Variants in FOXN3 observed in about 807,000 individuals in gnomAD.
FOXN3 encodes the protein forkhead box N3.
Under a neutral mutation model 38.4 loss-of-function variants are expected in FOXN3, and 7 were observed. The ratio of observed to expected loss-of-function variants is 0.18; its 90% CI spans 0.10 to 0.34. FOXN3 has a LOEUF of 0.34. FOXN3 is among the 10% of genes least tolerant of loss of function. The pLI, the probability that FOXN3 is intolerant of heterozygous loss-of-function variation, is 1.00. For missense variants in FOXN3, 456 were observed against 613.4 expected (o/e 0.74, Z 2.71); for synonymous variants, 230 against 242.2 (o/e 0.95, Z 0.47).
chr14:89,526,578 AC>A (rs2139829151), intron 1 of FOXN3, among the ~76,000 whole-genome samples: 1 of 152,346 alleles, frequency 6.6e-6, no homozygotes, highest in Admixed American at 6.5e-5. Flanking sequence ...GCTAAAAAGT[AC>A]AAAACATTAC....
At chr14:89,254,472 G>A (rs981101976) in intron 4 of FOXN3, among the ~76,000 whole-genome samples, 3 of 152,152 alleles carry the variant, frequency 2.0e-5, no homozygotes, top group Admixed American at 1.3e-4. Context: ...CAGACAGCTC[G>A]GAGTGTGGCT....
At chr14:89,493,194 G>A (rs905735034) in intron 1 of FOXN3, among the ~76,000 whole-genome samples, 16 of 152,022 alleles carry the variant, frequency 1.1e-4, no homozygotes, top group African/African-American at 3.9e-4. Flanking sequence ...ACTGATACAC[G>A]AATAATAAAA....
At chr14:89,517,760 G>A (rs2139817046) in intron 1 of FOXN3, among the ~76,000 whole-genome samples, 1 of 152,286 alleles carries the variant, frequency 6.6e-6, no homozygotes, top group African/African-American at 2.4e-5. Flanking sequence ...CAATTGCAGA[G>A]GCCTTGGCTT....
chr14:89,389,674 C>T (rs1045423079), intron 2 of FOXN3, among the ~76,000 whole-genome samples: 2 of 152,190 alleles, frequency 1.3e-5, no homozygotes, highest in African/African-American at 2.4e-5. Context: ...TGGCAGGCCA[C>T]GGTGGGATGG....
chr14:89,173,369 T>C (rs1485879810), intron 5 of FOXN3, among the ~76,000 whole-genome samples: 3 of 152,198 alleles, frequency 2.0e-5, no homozygotes, highest in Non-Finnish European at 2.9e-5. Context: ...GGCAGTGTAA[T>C]TGGAAACAAG....
In FOXN3 at chr14:89,163,564, G is replaced by A. The variant is rs1162030657; in HGVS notation, c.852-595C>T. ...AGGGAGGGTTCTGGGGGAGGGACAC[G>A]GGGTTGGATCGGATATAGACACTGC... On this transcript the variant is annotated intron_variant, in intron 5 of 5. Coordinates refer to ENST00000557258, the MANE Select transcript of FOXN3 (RefSeq NM_005197.4). The surrounding 1 kb of genome is among the most constrained non-coding windows in gnomAD (Gnocchi z 4.3). Among the ~76,000 whole-genome samples the A allele has an allele frequency of 2.6e-5, 4 of 152,116 alleles. No individual in the cohort carries two copies. Among genetic ancestry groups the A allele is most frequent in the African/African-American group, 9.7e-5 (4 of 41,422 alleles).
chr14:89,376,334 T>A (rs1239562867), intron 2 of FOXN3, among the ~76,000 whole-genome samples: 1 of 152,214 alleles, frequency 6.6e-6, no homozygotes, highest in Non-Finnish European at 1.5e-5. Context: ...AACAACTGAC[T>A]AAATAAAAAC....
At chr14:89,166,244 T>G (rs1286716799) in intron 5 of FOXN3, among the ~76,000 whole-genome samples, 1 of 152,216 alleles carries the variant, frequency 6.6e-6, no homozygotes, top group Non-Finnish European at 1.5e-5. Flanking sequence ...GAATGTCTCT[T>G]TCTTTCTTAA....
At chr14:89,613,057 C>T (rs1450349877) in intron 1 of FOXN3, among the ~76,000 whole-genome samples, 1 of 133,740 alleles carries the variant, frequency 7.5e-6, no homozygotes, top group African/African-American at 2.9e-5. Context: ...GCGGAGGTTG[C>T]AGTCAGCCGA....
chr14:89,413,725 G>GGGGAA (rs1321164265), intron 1 of FOXN3, among the ~76,000 whole-genome samples: 2 of 143,414 alleles, frequency 1.4e-5, no homozygotes, highest in Non-Finnish European at 3.1e-5. Context: ...GGAAGAGAAG[G>GGGGAA]GGGAAGGGAA....
chr14:89,584,401 GATAA>G (rs1464215116), intron 1 of FOXN3, among the ~76,000 whole-genome samples: 1 of 151,880 alleles, frequency 6.6e-6, no homozygotes, highest in Non-Finnish European at 1.5e-5. Context: ...ACTCCATCTT[GATAA>G]ATAAATAATA....
At chr14:89,495,516 T>C (rs1356859196) in intron 1 of FOXN3, among the ~76,000 whole-genome samples, 2 of 152,180 alleles carry the variant, frequency 1.3e-5, no homozygotes, top group Non-Finnish European at 2.9e-5. Context: ...CAAAAAGATG[T>C]TAGGGTCCAG....
intron 4 of FOXN3, among the ~76,000 whole-genome samples, chr14:89,266,711 C>A (rs1885990505): frequency 6.6e-6 from 1 of 152,052 alleles, no homozygotes; most frequent in Non-Finnish European, 1.5e-5. Flanking sequence ...GAGCTCAGAT[C>A]CTGGGGGAAA....
At chr14:89,455,217 T>C (rs1892696345) in intron 1 of FOXN3, among the ~76,000 whole-genome samples, 2 of 152,154 alleles carry the variant, frequency 1.3e-5, no homozygotes, top group African/African-American at 4.8e-5. Context: ...CGATATGCCA[T>C]CGGCATTTGT....
At chr14:89,457,634 T>A (rs1892753483) in intron 1 of FOXN3, among the ~76,000 whole-genome samples, 1 of 152,206 alleles carries the variant, frequency 6.6e-6, no homozygotes, top group African/African-American at 2.4e-5. Flanking sequence ...GCAGAAACCC[T>A]ACCCAGAGGA....
chr14:89,245,838 A>G (rs1196358140), intron 4 of FOXN3, among the ~76,000 whole-genome samples: 1 of 152,284 alleles, frequency 6.6e-6, no homozygotes, highest in Non-Finnish European at 1.5e-5. Context: ...AGATACTCCA[A>G]GTAGTGAGAT....
intron 2 of FOXN3, among the ~76,000 whole-genome samples, chr14:89,355,958 C>T (rs779690392): frequency 6.6e-6 from 1 of 151,892 alleles, no homozygotes; most frequent in Non-Finnish European, 1.5e-5. Context: ...GGAGCAGGCA[C>T]CACCTCTGCC....
At chr14:89,483,549 CA>C (rs1478566881) in intron 1 of FOXN3, among the ~76,000 whole-genome samples, 1 of 152,204 alleles carries the variant, frequency 6.6e-6, no homozygotes, top group Admixed American at 6.5e-5. Flanking sequence ...GCTGGGATTA[CA>C]GGCACCCACC....
intron 1 of FOXN3, among the ~76,000 whole-genome samples, chr14:89,616,521 A>ACCCCACCCC (rs1896496793): frequency 7.3e-6 from 1 of 137,892 alleles, no homozygotes; most frequent in Non-Finnish European, 1.5e-5. Flanking sequence ...TCACTCCCCA[A>ACCCCACCCC]CCCCACCCCC....
Sources: allele counts gnomAD v4.1 joint callset (sites outside exome capture counted in the v4.1 genomes callset), GRCh38; gene constraint gnomAD v4.1.1; non-coding constraint Gnocchi (gnomAD v3.1); transcripts MANE v1.5; gene names NCBI Gene and HGNC (gene_info 2026-07-23, HGNC 2026-07-21).